The following STPG2 variants were observed in gnomAD, a reference collection of about 807,000 sequenced individuals.
STPG2 encodes sperm tail PG-rich repeat containing 2, also known as sperm-tail PG-rich repeat-containing protein 2.
In STPG2, 56 loss-of-function variants were observed where a neutral mutation model predicts 54.2. That is an observed-to-expected ratio of 1.03 (90% CI 0.83 to 1.29). The LOEUF is 1.29. Among genes scored for constraint, STPG2 ranks in the 50% most tolerant of loss-of-function variants. The pLI is 0.00. For missense variants in STPG2, 596 were observed against 544.9 expected (o/e 1.09, Z -0.93); for synonymous variants, 200 against 181.8 (o/e 1.10, Z -0.81).
At chr4:97,808,562 G>A (rs1213154491) in intron 9 of STPG2, among the ~76,000 whole-genome samples, 5 of 151,140 alleles carry the variant, frequency 3.3e-5, no homozygotes, top group Non-Finnish European at 5.9e-5. Flanking sequence ...TAGAAGATAG[G>A]CAGGTGAGAG....
At chr4:97,957,023 T>A (rs1257978594) in intron 7 of STPG2, among the ~76,000 whole-genome samples, 2 of 149,638 alleles carry the variant, frequency 1.3e-5, no homozygotes, top group Non-Finnish European at 3.0e-5. Context: ...GTTATTAAGC[T>A]AATCAAAAAG....
chr4:97,923,380 C>T (rs533100622), intron 8 of STPG2, among the ~76,000 whole-genome samples: 3 of 151,960 alleles, frequency 2.0e-5, no homozygotes, highest in Non-Finnish European at 2.9e-5. Context: ...CCCGTCCCAT[C>T]GACTGCCCAA....
At chr4:98,031,439 G>A (rs1385519569) in intron 5 of STPG2, among the ~76,000 whole-genome samples, 3 of 152,140 alleles carry the variant, frequency 2.0e-5, no homozygotes, top group Non-Finnish European at 4.4e-5. Flanking sequence ...AGCACTTTGG[G>A]AGGCTGAGAT....
chr4:97,980,057 A>G (rs1734621772), intron 6 of STPG2, among the ~76,000 whole-genome samples: 1 of 152,036 alleles, frequency 6.6e-6, no homozygotes, highest in Non-Finnish European at 1.5e-5. Flanking sequence ...ATTGTAGCAC[A>G]CACCTGTAGT....
In STPG2 at chr4:98,018,934, G is replaced by A. The variant is rs1458887083; in HGVS notation, c.613-37616C>T. The stretch of plus-strand genomic sequence containing the variant: ...TGCATATTAGCCCTTTGTCAGATGA[G>A]TAGGTTGCGAAAATTTTCTCCCAAT... On this transcript the variant is annotated intron_variant, in intron 5 of 10. Transcript: ENST00000295268. Among the ~76,000 whole-genome samples the A allele has an allele frequency of 3.9e-5, 6 of 151,918 alleles. 1 individual carries two copies. Among genetic ancestry groups the A allele is most frequent in the Admixed American group, 3.3e-4 (5 of 15,224 alleles).
At chr4:97,626,577 A>T (rs904658802) in intron 10 of STPG2, among the ~76,000 whole-genome samples, 10 of 152,128 alleles carry the variant, frequency 6.6e-5, no homozygotes, top group African/African-American at 2.4e-4. Flanking sequence ...GGAATTTGAA[A>T]TATTCCAAAA....
chr4:97,791,499 T>G lies in STPG2; in HGVS notation c.1204+49274A>C, dbSNP rs76591251. ...TTAAAGTTGTCAAAGTCAGAAATAC[T>G]TTAGAATACAAATAATCCCTGTGAA... On this transcript the variant is annotated intron_variant, in intron 9 of 10. Transcript: ENST00000295268. Among the ~76,000 whole-genome samples, 532 of 152,260 alleles carry G rather than the reference T, an allele frequency of 3.5e-3. 1 individual carries two copies. The highest frequency in any genetic ancestry group is 6.8e-3 in the Middle Eastern group (2 of 294).
At position 97,540,771 on chromosome 4, in the gene STPG2, A is replaced by T. The variant is rs1371357941; in HGVS notation, c.462+171928T>A. 2.6e-5 allele frequency among the ~76,000 whole-genome samples: 4 copies of T among 152,154 alleles called. No homozygotes were observed. The East Asian group carries it at 7.7e-4, about 29-fold the overall frequency. The stretch of plus-strand genomic sequence containing the variant: ...CAGCACATCAAAAAGCTTATCCACC[A>T]TGACAAAGTGGGCTTCATTCCTGGG... On this transcript the variant is annotated intron_variant, in intron 4 of 4. Coordinates refer to the STPG2 transcript ENST00000522676.
At chr4:97,816,317 T>C (rs745432890) in intron 9 of STPG2, among the ~76,000 whole-genome samples, 31 of 152,204 alleles carry the variant, frequency 2.0e-4, no homozygotes, top group Non-Finnish European at 2.9e-4. Flanking sequence ...TCTTTGCTAT[T>C]GTGAACAGTG....
intron 10 of STPG2, among the ~76,000 whole-genome samples, chr4:97,711,424 A>T (rs558303445): frequency 3.9e-5 from 6 of 152,144 alleles, no homozygotes; most frequent in Non-Finnish European, 7.4e-5. Flanking sequence ...AAACCATACA[A>T]ATACCCACCC....
Position 97,534,453 on chromosome 4 carries a change from A to G in STPG2, c.462+178246T>C, listed in dbSNP as rs539214866. 3.3e-5 allele frequency among the ~76,000 whole-genome samples: 5 copies of G among 152,310 alleles called. No individual in the cohort carries two copies. The East Asian group carries it at 7.7e-4, about 24-fold the overall frequency. The stretch of plus-strand genomic sequence containing the variant: ...CCACTTCAAGTTAAATTAAGTATAT[A>G]GTGTGAATCAAGGATCTGGGTTCAT... On this transcript the variant is annotated intron_variant, in intron 4 of 4. Coordinates refer to the STPG2 transcript ENST00000522676.
intron 8 of STPG2, among the ~76,000 whole-genome samples, chr4:97,929,526 T>A (rs971306690): frequency 1.4e-4 from 21 of 152,188 alleles, no homozygotes; most frequent in African/African-American, 5.1e-4. Flanking sequence ...CTCTGCAACC[T>A]CACTAGAATC....
chr4:97,570,516 C>G (rs1732572107), intron 10 of STPG2, among the ~76,000 whole-genome samples: 1 of 152,034 alleles, frequency 6.6e-6, no homozygotes, highest in Non-Finnish European at 1.5e-5. Flanking sequence ...TCTACTCTAG[C>G]TATCCTGGCC....
At position 97,868,836 on chromosome 4, in the gene STPG2, T is replaced by G. The variant is rs1021936305; in HGVS notation, c.1045-27904A>C. Among the ~76,000 whole-genome samples, 3 of 151,950 alleles carry G rather than the reference T, an allele frequency of 2.0e-5. No individual in the cohort carries two copies. In the Admixed American group the frequency reaches 2.0e-4, roughly 10 times the overall value. The stretch of plus-strand genomic sequence containing the variant: ...CAAACCAATTTTTAATTGCCTTTTT[T>G]GTTGCCTGATAAATATTCTCAATTT... On this transcript the variant is annotated intron_variant, in intron 8 of 10. Transcript: ENST00000295268.
intron 9 of STPG2, among the ~76,000 whole-genome samples, chr4:97,781,564 C>G (rs1266932568): frequency 3.3e-5 from 5 of 152,134 alleles, no homozygotes; most frequent in African/African-American, 4.8e-5. Context: ...AAGAAGAAAT[C>G]CTCCCTAACT....
intron 8 of STPG2, among the ~76,000 whole-genome samples, chr4:97,888,959 C>T (rs1420353122): frequency 6.6e-6 from 1 of 152,168 alleles, no homozygotes; most frequent in African/African-American, 2.4e-5. Context: ...CCTCCTTCTT[C>T]AGCCATGTAA....
intron 9 of STPG2, among the ~76,000 whole-genome samples, chr4:97,795,286 T>C (rs1275088514): frequency 1.3e-5 from 2 of 152,190 alleles, no homozygotes; most frequent in Non-Finnish European, 2.9e-5. Flanking sequence ...CATGTTGGTG[T>C]GCTGCACCCA....
intron 9 of STPG2, among the ~76,000 whole-genome samples, chr4:97,803,397 T>A (rs1727455060): frequency 6.6e-6 from 1 of 152,166 alleles, no homozygotes; most frequent in Non-Finnish European, 1.5e-5. Context: ...GACCAAAAAA[T>A]TTAAAAATCC....
intron 3 of STPG2, among the ~76,000 whole-genome samples, chr4:98,125,622 G>A (rs1175680750): frequency 1.3e-5 from 2 of 152,128 alleles, no homozygotes; most frequent in African/African-American, 4.8e-5. Flanking sequence ...AACCCCTATT[G>A]GAAGGTCTCA....
Sources: gnomAD v4.1 joint callset for allele counts (sites outside exome capture counted in the v4.1 genomes callset) on GRCh38, gnomAD v4.1.1 for gene constraint, MANE v1.5 for transcripts, NCBI Gene and HGNC (gene_info 2026-07-23, HGNC 2026-07-21) for gene names.